REEP3: variants seen among roughly 807,000 people sequenced by gnomAD.
REEP3 encodes the protein receptor expression-enhancing protein 3.
In REEP3, 20 loss-of-function variants were observed where a neutral mutation model predicts 41.3. The ratio of observed to expected loss-of-function variants is 0.48; its 90% CI spans 0.34 to 0.70. REEP3 has a LOEUF of 0.70. Among genes scored for constraint, REEP3 ranks in the 30% least tolerant of loss-of-function variants. The pLI, the probability that REEP3 is intolerant of heterozygous loss-of-function variation, is 0.01. For missense variants in REEP3, 271 were observed against 308.8 expected, an observed-to-expected ratio of 0.88 and a Z score of 0.92; for synonymous variants, 104 against 101.8, an observed-to-expected ratio of 1.02 and a Z score of -0.13.
chr10:63,545,625 G>A (rs1416476119), intron 1 of REEP3, among the ~76,000 whole-genome samples: 2 of 150,488 alleles, frequency 1.3e-5, no homozygotes, highest in Non-Finnish European at 1.5e-5. Flanking sequence ...CACCCACCTC[G>A]GCCTCCCAAA....
chr10:63,619,636 T>C lies in REEP3; in HGVS notation c.566-19T>C. ...GGTGTCCTTTTACCAAAACATGCTG[T>C]TTTTGACAACTTGTTTAGGTTATGG... On this transcript the variant is annotated intron_variant, in intron 6 of 7. Transcript: ENST00000373758. The C allele has an allele frequency of 6.3e-7, 1 of 1,587,556 alleles. No individual in the cohort carries two copies. The highest frequency in any genetic ancestry group is 8.6e-7 in the Non-Finnish European group (1 of 1,166,442).
intron 2 of REEP3, among the ~76,000 whole-genome samples, chr10:63,579,510 C>G (rs1317674716): frequency 6.6e-6 from 1 of 152,330 alleles, no homozygotes; most frequent in East Asian, 1.9e-4. Flanking sequence ...CTTGACCCTT[C>G]TGAAGTAAAT....
chr10:63,573,763 A>G (rs1406355674), intron 2 of REEP3, among the ~76,000 whole-genome samples: 1 of 152,202 alleles, frequency 6.6e-6, no homozygotes, highest in Non-Finnish European at 1.5e-5. Flanking sequence ...ATAGAAGGGG[A>G]AAAACATACT....
intron 2 of REEP3, among the ~76,000 whole-genome samples, chr10:63,593,079 C>T (rs1006958052): frequency 4.0e-5 from 6 of 151,784 alleles, no homozygotes; most frequent in African/African-American, 1.5e-4. Context: ...TTCGGGAGGC[C>T]GAGGCGGGTA....
At chr10:63,582,751 C>T (rs948101504) in intron 2 of REEP3, among the ~76,000 whole-genome samples, 1 of 151,884 alleles carries the variant, frequency 6.6e-6, no homozygotes, top group Non-Finnish European at 1.5e-5. Flanking sequence ...TCATAGCTTT[C>T]TGCAGCCTCT....
intron 1 of REEP3, among the ~76,000 whole-genome samples, chr10:63,545,857 G>A (rs1378710509): frequency 1.3e-5 from 2 of 151,960 alleles, no homozygotes; most frequent in Non-Finnish European, 2.9e-5. Context: ...TTCTGTTGAA[G>A]GTAAAACATT....
rs1349977107 is a variant in REEP3, at chr10:63,525,585, A to G, written c.32+4008A>G. The stretch of plus-strand genomic sequence containing the variant: ...AGACATGTGCTACCATGCCCAGCTA[A>G]TTTTTGTATTTTTAGTAGAGACGGG... On this transcript the variant is annotated intron_variant, in intron 1 of 7. Transcript: ENST00000373758. Among the ~76,000 whole-genome samples the G allele has an allele frequency of 7.2e-5, 11 of 152,104 alleles. No homozygotes were observed. The East Asian group carries it at 2.1e-3, about 29-fold the overall frequency.
intron 1 of REEP3, among the ~76,000 whole-genome samples, chr10:63,529,243 A>G (rs1420710580): frequency 6.6e-6 from 1 of 152,166 alleles, no homozygotes; most frequent in Non-Finnish European, 1.5e-5. Flanking sequence ...TTTTTTCACT[A>G]ATGAGCCTCT....
intron 2 of REEP3, among the ~76,000 whole-genome samples, chr10:63,575,457 A>C (rs2133383791): frequency 6.6e-6 from 1 of 152,238 alleles, no homozygotes; most frequent in Middle Eastern, 3.4e-3. Flanking sequence ...AATTTAGTTA[A>C]AATTATCTCT....
intron 3 of REEP3, among the ~76,000 whole-genome samples, chr10:63,595,583 CTT>C (rs888214394): frequency 6.9e-6 from 1 of 145,150 alleles, no homozygotes; most frequent in East Asian, 2.0e-4. Context: ...TCTTTTTTTT[CTT>C]TTTTTTTTTT....
In REEP3 at chr10:63,624,304, C is replaced by G. The variant is rs368289397; in HGVS notation, c.*3435C>G. Reference sequence around the variant, plus strand: ...AAATTTTTCAGAAAGAAAATTATAGCTTTTTTCCCAAAATATTTTTAAGAT... The same window carrying G: ...AAATTTTTCAGAAAGAAAATTATAGGTTTTTTCCCAAAATATTTTTAAGAT... On this transcript the variant is annotated 3_prime_UTR_variant, in exon 8 of 8. Coordinates refer to ENST00000373758, the MANE Select transcript of REEP3 (RefSeq NM_001001330.3). 2.6e-5 allele frequency: 4 copies of G among 152,086 alleles called. No homozygotes were observed. In the East Asian group the frequency reaches 7.7e-4, roughly 29 times the overall value. The allele number at this position is 152,086 out of a possible 1,614,324, so 9.4% of individuals were successfully genotyped here. A position where few individuals can be genotyped will look rare whatever the true frequency, so the allele number is the denominator to read the frequency against.
chr10:63,619,326 T>C (rs1229110732), intron 6 of REEP3, among the ~76,000 whole-genome samples: 1 of 152,218 alleles, frequency 6.6e-6, no homozygotes, highest in Non-Finnish European at 1.5e-5. Context: ...AAGAGACTTT[T>C]TGCTCTATAT....
intron 1 of REEP3, among the ~76,000 whole-genome samples, chr10:63,546,659 A>G (rs959617494): frequency 2.6e-5 from 4 of 152,210 alleles, no homozygotes; most frequent in African/African-American, 9.6e-5. Flanking sequence ...TGGGTCAAAG[A>G]TGGACACATA....
intron 2 of REEP3, among the ~76,000 whole-genome samples, chr10:63,585,706 T>A (rs1294874502): frequency 6.6e-6 from 1 of 152,232 alleles, no homozygotes; most frequent in African/African-American, 2.4e-5. Flanking sequence ...TTATCATTGC[T>A]ATCATAATGT....
At chr10:63,585,685 A>G (rs1234172806) in intron 2 of REEP3, among the ~76,000 whole-genome samples, 1 of 152,204 alleles carries the variant, frequency 6.6e-6, no homozygotes, top group Non-Finnish European at 1.5e-5. Flanking sequence ...TTACAATTAT[A>G]ACATTTAACT....
chr10:63,552,729 T>A (rs1955641185), intron 1 of REEP3, among the ~76,000 whole-genome samples: 1 of 152,226 alleles, frequency 6.6e-6, no homozygotes, highest in Non-Finnish European at 1.5e-5. Flanking sequence ...ATTATACCAT[T>A]TCTCAAGTAG....
At chr10:63,572,056 A>C (rs1304918514) in intron 2 of REEP3, among the ~76,000 whole-genome samples, 2 of 152,208 alleles carry the variant, frequency 1.3e-5, no homozygotes, top group Admixed American at 1.3e-4. Flanking sequence ...CAAGAAGGAC[A>C]ATCAGGCAGC....
chr10:63,594,502 A>C (rs1956095388), intron 2 of REEP3, among the ~76,000 whole-genome samples: 1 of 152,208 alleles, frequency 6.6e-6, no homozygotes, highest in African/African-American at 2.4e-5. Context: ...CTTGATTTAG[A>C]TTCCTAGATT....
intron 6 of REEP3, among the ~76,000 whole-genome samples, chr10:63,611,688 G>A (rs766559113): frequency 5.9e-5 from 9 of 151,444 alleles, no homozygotes; most frequent in Non-Finnish European, 1.3e-4. Flanking sequence ...TTTTGAGAGA[G>A]ATTGAAAATC....
Sources: gnomAD v4.1 joint callset for allele counts (sites outside exome capture counted in the v4.1 genomes callset) on GRCh38, gnomAD v4.1.1 for gene constraint, MANE v1.5 for transcripts, NCBI Gene and HGNC (gene_info 2026-07-23, HGNC 2026-07-21) for gene names.